RNFT2: variants seen among roughly 807,000 people sequenced by gnomAD.
The protein encoded by RNFT2 is ring finger protein, transmembrane 2.
RNFT2 carries 36 observed loss-of-function variants against 53.0 expected under a neutral mutation model. That is an observed-to-expected ratio of 0.68 (90% CI 0.52 to 0.90). RNFT2 has a LOEUF of 0.90. Among genes scored for constraint, RNFT2 ranks in the 40% least tolerant of loss-of-function variants. The probability of loss-of-function intolerance (pLI) is 0.00; values close to 1 mark genes in which losing one functional copy is unlikely to be tolerated. For missense variants in RNFT2, 514 were observed against 585.6 expected (o/e 0.88, Z 1.26); for synonymous variants, 260 against 253.2 (o/e 1.03, Z -0.26).
intron 10 of RNFT2, among the ~76,000 whole-genome samples, chr12:116,845,750 A>T (rs2137224335): frequency 1.3e-5 from 2 of 152,106 alleles, no homozygotes; most frequent in South Asian, 4.2e-4. Flanking sequence ...CCATGATGAG[A>T]ATCCAGTATG....
intron 5 of RNFT2, chr12:116,755,519 G>A: frequency 3.5e-6 from 3 of 855,944 alleles, no homozygotes; most frequent in Non-Finnish European, 6.1e-6. Flanking sequence ...TTTCTCTTCC[G>A]CTTCTTTCTT....
chr12:116,811,276 A>G (rs1166318689), intron 7 of RNFT2, among the ~76,000 whole-genome samples: 1 of 152,160 alleles, frequency 6.6e-6, no homozygotes, highest in Non-Finnish European at 1.5e-5. Context: ...CTCTGGAGGT[A>G]GGGTGGAGAC....
At chr12:116,748,563 GAGGTATA>G (rs1158450903) in intron 3 of RNFT2, 1 of 300,704 alleles carries the variant, frequency 3.3e-6, no homozygotes, top group Non-Finnish European at 6.8e-6. Flanking sequence ...GCTGAGTGCA[GAGGTATA>G]AGGCCCCTAG....
chr12:116,828,175 T>G (rs1034001072), intron 7 of RNFT2, among the ~76,000 whole-genome samples: 2 of 152,110 alleles, frequency 1.3e-5, no homozygotes, highest in African/African-American at 4.8e-5. Flanking sequence ...GGAACACCCT[T>G]CCTCCCTTAC....
At chr12:116,740,714 G>C in intron 2 of RNFT2, 193 bp downstream of exon 2, 1 of 650,886 alleles carries the variant, frequency 1.5e-6, no homozygotes, top group African/African-American at 1.8e-5. Flanking sequence ...CATGTCTCCT[G>C]CCAGTCCGCT....
At chr12:116,799,630 A>G (rs1874667888) in intron 7 of RNFT2, among the ~76,000 whole-genome samples, 1 of 152,148 alleles carries the variant, frequency 6.6e-6, no homozygotes, top group Admixed American at 6.5e-5. Flanking sequence ...TGGATTTATC[A>G]AGGATTTTTT....
Position 116,836,228 on chromosome 12 carries a change from C to T in RNFT2, c.1146C>T (p.Asp382=), listed in dbSNP as rs1240992021. 4 of 1,592,428 alleles carry T rather than the reference C, an allele frequency of 2.5e-6. No individual in the cohort carries two copies. The highest frequency in any genetic ancestry group is 1.3e-5 in the African/African-American group (1 of 74,450). Residue 382 remains aspartate, a synonymous_variant, in exon 10 of 11, where the codon GAC becomes GAT. Coordinates refer to ENST00000257575, the MANE Select transcript of RNFT2 (RefSeq NM_001382266.1). ...ATGQQCTEAG[D]ICAICQAEFR... ...GGCAGCAGTGCACAGAAGCTGGTGA[C>T]ATCTGCGCCATCTGTCAGGCCGAGT...
rs181010755 is a variant in RNFT2, at chr12:116,809,819, C to T, written c.883-23973C>T. Among the ~76,000 whole-genome samples, 871 of 152,192 alleles carry T rather than the reference C, an allele frequency of 5.7e-3. 3 individuals carry two copies. The highest frequency in any genetic ancestry group is 0.014 in the Middle Eastern group (4 of 294). ...TCCTGAGTAGCTGGGACTACAGGCA[C>T]CCACCACCACGCTCAGCTAATTTTT... is the stretch of plus-strand genomic sequence containing the variant. On this transcript the variant is annotated intron_variant, in intron 7 of 10. Coordinates refer to ENST00000257575, the MANE Select transcript of RNFT2 (RefSeq NM_001382266.1).
At chr12:116,748,293 T>C (rs544443735) in intron 3 of RNFT2, among the ~76,000 whole-genome samples, 25 of 152,280 alleles carry the variant, frequency 1.6e-4, no homozygotes, top group South Asian at 2.1e-4. Context: ...GGCTCTCCAT[T>C]CCTGCAGGCC....
chr12:116,739,291 G>A (rs9668850), intron 1 of RNFT2, among the ~76,000 whole-genome samples: 23,938 of 152,176 alleles, frequency 0.16, 2,007 homozygotes, highest in Middle Eastern at 0.21. Context: ...AGGGAGCAAG[G>A]GATCTAGAAA....
intron 4 of RNFT2, among the ~76,000 whole-genome samples, chr12:116,750,870 TAATA>T (rs1872196780): frequency 5.5e-4 from 1 of 1,828 alleles, no homozygotes. Context: ...TATATATATA[TAATA>T]TATATATTAT....
intron 6 of RNFT2, 28 bp downstream of exon 6, chr12:116,766,942 T>C (rs746494387): frequency 8.6e-6 from 13 of 1,511,338 alleles, no homozygotes; most frequent in African/African-American, 1.4e-5. Context: ...ACCCCCACGG[T>C]GGGAGAGTGG....
intron 4 of RNFT2, among the ~76,000 whole-genome samples, chr12:116,751,594 G>A (rs1872255216): frequency 6.6e-6 from 1 of 151,292 alleles, no homozygotes; most frequent in African/African-American, 2.4e-5. Flanking sequence ...TAGTAGGGAC[G>A]GGGTTTCACC....
chr12:116,806,024 T>G (rs551530210), intron 7 of RNFT2, among the ~76,000 whole-genome samples: 1 of 152,176 alleles, frequency 6.6e-6, no homozygotes, highest in Middle Eastern at 3.2e-3. Context: ...ACTAAACATA[T>G]AGTCCCCCTT....
intron 10 of RNFT2, among the ~76,000 whole-genome samples, chr12:116,840,428 A>G (rs1877191785): frequency 6.6e-6 from 1 of 152,180 alleles, no homozygotes; most frequent in African/African-American, 2.4e-5. Flanking sequence ...TGCCCATTCC[A>G]CAAGGCTTGG....
chr12:116,815,749 G>A (rs1480893058), intron 7 of RNFT2, among the ~76,000 whole-genome samples: 1 of 152,158 alleles, frequency 6.6e-6, no homozygotes, highest in Non-Finnish European at 1.5e-5. Flanking sequence ...ATTGGGATAT[G>A]GACATCTTTG....
At chr12:116,761,804 C>CA in intron 5 of RNFT2, among the ~76,000 whole-genome samples, 1 of 152,200 alleles carries the variant, frequency 6.6e-6, no homozygotes, top group Non-Finnish European at 1.5e-5. Context: ...CACCCACCTG[C>CA]AGACCCTCAA....
chr12:116,785,599 GAA>G (rs1679501657), intron 7 of RNFT2, among the ~76,000 whole-genome samples: 2 of 152,232 alleles, frequency 1.3e-5, no homozygotes, highest in Middle Eastern at 3.4e-3. Flanking sequence ...CTCACTATTT[GAA>G]AAGTCTGTTT....
rs575546382 is a variant in RNFT2, at chr12:116,846,803, T to C, written c.1201-2511T>C. ...CCCTAAACCAGTTAAGAGTAAGTGGTAGACATTTAGATTCTTCATCCCTAA... is the reference window on the plus strand; with the variant it reads ...CCCTAAACCAGTTAAGAGTAAGTGGCAGACATTTAGATTCTTCATCCCTAA... On this transcript the variant is annotated intron_variant, in intron 10 of 10. Coordinates refer to ENST00000257575, the MANE Select transcript of RNFT2 (RefSeq NM_001382266.1). Among the ~76,000 whole-genome samples, 32 of 152,056 alleles carry C rather than the reference T, an allele frequency of 2.1e-4. No individual in the cohort carries two copies. The South Asian group carries it at 3.9e-3, about 19-fold the overall frequency.
Sources: allele counts gnomAD v4.1 joint callset (sites outside exome capture counted in the v4.1 genomes callset), GRCh38; gene constraint gnomAD v4.1.1; transcripts MANE v1.5; gene names NCBI Gene and HGNC (gene_info 2026-07-23, HGNC 2026-07-21).